UTP25: variants seen among roughly 807,000 people sequenced by gnomAD.
UTP25 encodes U3 small nucleolar RNA-associated protein 25 homolog.
In UTP25, 50 loss-of-function variants were observed where a neutral mutation model predicts 78.9. The observed-to-expected ratio is 0.63, with a 90% CI of 0.50 to 0.80. UTP25 has a LOEUF of 0.80. Ranked by LOEUF, UTP25 falls within the 30% of genes least tolerant of loss-of-function variation. The pLI, the probability that UTP25 is intolerant of heterozygous loss-of-function variation, is 0.00. For synonymous variants in UTP25, 329 were observed against 336.5 expected, an observed-to-expected ratio of 0.98 and a Z score of 0.24; for missense variants, 846 against 911.3, an observed-to-expected ratio of 0.93 and a Z score of 0.92.
In UTP25 at chr1:209,828,015, TG is replaced by T; in HGVS notation, c.-47del. ...TGCTTGTGTTGACTGGACAACTTCC[TG>T]GTGGAAAACCGCGACTCTTGCAAGT... is the stretch of plus-strand genomic sequence containing the variant. On this transcript the variant is annotated 5_prime_UTR_variant, in exon 1 of 12. Coordinates refer to ENST00000491415, the MANE Select transcript of UTP25 (RefSeq NM_014388.7). 1 of 1,476,870 alleles carries T rather than the reference TG, an allele frequency of 6.8e-7. No homozygotes were observed. The highest frequency in any genetic ancestry group is 9.5e-7 in the Non-Finnish European group (1 of 1,055,222). 91.5% of individuals were successfully genotyped at this position (1,476,870 alleles called of 1,614,324 possible). A position where few individuals can be genotyped will look rare whatever the true frequency, so the allele number is the denominator to read the frequency against.
chr1:209,850,559 G>C (rs2078224842), intron 11 of UTP25, among the ~76,000 whole-genome samples: 1 of 152,222 alleles, frequency 6.6e-6, no homozygotes, highest in South Asian at 2.1e-4. Flanking sequence ...GAACCATACT[G>C]CAAGTCAGTC....
intron 7 of UTP25, among the ~76,000 whole-genome samples, chr1:209,839,344 A>T (rs1263011757): frequency 6.6e-6 from 1 of 152,236 alleles, no homozygotes; most frequent in Non-Finnish European, 1.5e-5. Context: ...CTCTGAGGCC[A>T]TATATGAAAG....
chr1:209,835,042 A>G (rs1294715030), intron 4 of UTP25, 33 bp from the exon 5 acceptor site: 1 of 1,567,444 alleles, frequency 6.4e-7, no homozygotes, highest in African/African-American at 1.4e-5. Flanking sequence ...CTGTAGTTGC[A>G]TAGTGTGCTG....
Position 209,841,030 on chromosome 1 carries a change from T to G in UTP25, c.1460T>G (p.Leu487Arg). ...LLIIDQADIY[L>R]MQNWEHVLHL... Reference sequence around the variant, plus strand: ...ATCATTGATCAAGCTGACATTTACCTGATGCAGAACTGGGAGCATGTCCTG... The same window carrying G: ...ATCATTGATCAAGCTGACATTTACCGGATGCAGAACTGGGAGCATGTCCTG... Residue 487 changes from leucine to arginine, a missense_variant, in exon 8 of 12, where the codon CTG (leucine) becomes CGG (arginine). Leu to Arg is a moderately radical substitution (Grantham distance 102). Transcript: ENST00000491415. The G allele has an allele frequency of 6.2e-7, 1 of 1,614,056 alleles. No individual in the cohort carries two copies. The highest frequency in any genetic ancestry group is 8.5e-7 in the Non-Finnish European group (1 of 1,179,914).
Position 209,841,046 on chromosome 1 carries a change from G to A in UTP25, c.1476G>A (p.Glu492=). ...ACATTTACCTGATGCAGAACTGGGA[G>A]CATGTCCTGGTAATGCTGGCCATTC... ...QADIYLMQNW[E]HVLHLMNHMN... Residue 492 remains glutamate, a synonymous_variant, in exon 8 of 12, where the codon GAG becomes GAA. Coordinates refer to ENST00000491415, the MANE Select transcript of UTP25 (RefSeq NM_014388.7). 6.2e-7 allele frequency: 1 copy of A among 1,613,948 alleles called. No individual in the cohort carries two copies. Among genetic ancestry groups the A allele is most frequent in the South Asian group, 1.1e-5 (1 of 91,082 alleles).
Position 209,835,156 on chromosome 1 carries a change from A to G in UTP25, c.644A>G (p.Glu215Gly). The change falls in exon 5 of 12, where the codon GAG becomes GGG. Residue 215 changes from glutamate (E) to glycine (G), a missense_variant. By Grantham distance (98) the Glu-to-Gly change is moderately conservative. Transcript: ENST00000491415. ...AVATNPKTTH[E>G]LKWPILGQLF... ...GCCACAAATCCCAAAACTACCCACG[A>G]GCTTAAAGTAAGTGTTGCTTGGTCA... 2 of 1,613,504 alleles carry G rather than the reference A, an allele frequency of 1.2e-6. No homozygotes were observed. The highest frequency in any genetic ancestry group is 3.3e-4 in the Middle Eastern group (2 of 6,058).
chr1:209,850,916 A>G (rs1431577876), intron 11 of UTP25, among the ~76,000 whole-genome samples: 1 of 152,174 alleles, frequency 6.6e-6, no homozygotes, highest in Non-Finnish European at 1.5e-5. Flanking sequence ...CTGGTCTACT[A>G]TTCTTTCCCA....
At chr1:209,840,332 TG>T (rs1270187549) in intron 7 of UTP25, among the ~76,000 whole-genome samples, 1 of 152,184 alleles carries the variant, frequency 6.6e-6, no homozygotes, top group East Asian at 1.9e-4. Context: ...TATTTGGATC[TG>T]GAAGGACAGA....
At chr1:209,835,370 A>C (rs1450943196) in intron 5 of UTP25, among the ~76,000 whole-genome samples, 2 of 152,214 alleles carry the variant, frequency 1.3e-5, no homozygotes, top group Non-Finnish European at 2.9e-5. Context: ...TGTGGGTGCC[A>C]GATAATATAA....
chr1:209,838,703 C>T (rs941102322), intron 6 of UTP25: 5 of 611,954 alleles, frequency 8.2e-6, no homozygotes, highest in Admixed American at 2.8e-5. Flanking sequence ...GTCTGAAGTC[C>T]GCAGGTCATG....
rs1168949096 is a variant in UTP25, at chr1:209,854,334, A to C, written c.*2887A>C. 1 of 152,208 alleles carries C rather than the reference A, an allele frequency of 6.6e-6. No homozygotes were observed. Among genetic ancestry groups the C allele is most frequent in the African/African-American group, 2.4e-5 (1 of 41,462 alleles). The allele number at this position is 152,208 out of a possible 1,614,324, so 9.4% of individuals were successfully genotyped here. A position where few individuals can be genotyped will look rare whatever the true frequency, so the allele number is the denominator to read the frequency against. Reference sequence around the variant, plus strand: ...TAGCACTTTTCTTTTTGAGAGAGAAAAAGCTTTGAATCGTGGATGCTTCTC... The same window carrying C: ...TAGCACTTTTCTTTTTGAGAGAGAACAAGCTTTGAATCGTGGATGCTTCTC... On this transcript the variant is annotated 3_prime_UTR_variant, in exon 12 of 12. Coordinates refer to ENST00000491415, the MANE Select transcript of UTP25 (RefSeq NM_014388.7).
chr1:209,829,486 C>CTTT (rs200092993), intron 1 of UTP25, among the ~76,000 whole-genome samples: 4 of 141,424 alleles, frequency 2.8e-5, no homozygotes, highest in Non-Finnish European at 3.1e-5. Flanking sequence ...CTTTTCTTTT[C>CTTT]TTTTTTCTTT....
In UTP25 at chr1:209,851,800, T is replaced by A; in HGVS notation, c.*353T>A. 1 of 177,790 alleles carries A rather than the reference T, an allele frequency of 5.6e-6. No individual in the cohort carries two copies. The allele number at this position is 177,790 out of a possible 1,614,324, so 11.0% of individuals were successfully genotyped here. ...GTAAATTCTTCCAGATTTTTCTATT[T>A]GTTTGACACTTCCTTAAAGTAAGGA... On this transcript the variant is annotated 3_prime_UTR_variant, in exon 12 of 12. Coordinates refer to ENST00000491415, the MANE Select transcript of UTP25 (RefSeq NM_014388.7).
chr1:209,832,091 G>A (rs2078106769), intron 3 of UTP25, among the ~76,000 whole-genome samples: 1 of 150,974 alleles, frequency 6.6e-6, no homozygotes, highest in African/African-American at 2.4e-5. Context: ...TTAGGAGTTT[G>A]TTTTGTTTGT....
rs765552386 is a variant in UTP25 at position 209,839,110 on chromosome 1, G to C, written c.1264G>C (p.Asp422His). ...TGAAGCCGTATTTGTGGGCAATATTGATGACCACTTCAGGATTGGTAATTC... is the reference window on the plus strand; with the variant it reads ...TGAAGCCGTATTTGTGGGCAATATTCATGACCACTTCAGGATTGGTAATTC... ...DYEAVFVGNI[D>H]DHFRIGVAIL... Residue 422 changes from aspartate (D) to histidine (H), a missense_variant, in exon 7 of 12, where the codon GAT becomes CAT. Transcript: ENST00000491415. 6.2e-7 allele frequency: 1 copy of C among 1,612,154 alleles called. No homozygotes were observed. Among genetic ancestry groups the C allele is most frequent in the East Asian group, 2.2e-5 (1 of 44,840 alleles).
chr1:209,833,131 C>T, intron 3 of UTP25, 54 bp from the exon 4 acceptor site: 1 of 1,528,706 alleles, frequency 6.5e-7, no homozygotes, highest in Non-Finnish European at 8.8e-7. Flanking sequence ...ATTTTGTCAA[C>T]AGAAGTATAA....
intron 8 of UTP25, among the ~76,000 whole-genome samples, chr1:209,841,684 A>G (rs1326943489): frequency 6.6e-6 from 1 of 152,232 alleles, no homozygotes; most frequent in Non-Finnish European, 1.5e-5. Context: ...CCCCTTCTAC[A>G]ACCCCATGTC....
Position 209,839,144 on chromosome 1 carries a change from C to G in UTP25, c.1282+16C>G, listed in dbSNP as rs1230500364. On this transcript the variant is annotated intron_variant, in intron 7 of 11. Transcript: ENST00000491415. ...TTCAGGATTGGTAATTCTTCCTTAT[C>G]AACTTTGAGACCTAAAGTGTGAAGG... 1.9e-6 allele frequency: 3 copies of G among 1,590,212 alleles called. No individual in the cohort carries two copies. Among genetic ancestry groups the G allele is most frequent in the Non-Finnish European group, 2.6e-6 (3 of 1,164,420 alleles).
In UTP25 at chr1:209,851,599, G is replaced by T. The variant is rs528615095; in HGVS notation, c.*152G>T. The T allele has an allele frequency of 2.3e-5, 24 of 1,032,630 alleles. No individual in the cohort carries two copies. In the Admixed American group the frequency reaches 2.8e-4, roughly 12 times the overall value. 64.0% of individuals were successfully genotyped at this position (1,032,630 alleles called of 1,614,324 possible). A position where few individuals can be genotyped will look rare whatever the true frequency, so the allele number is the denominator to read the frequency against. On this transcript the variant is annotated 3_prime_UTR_variant, in exon 12 of 12. Coordinates refer to ENST00000491415, the MANE Select transcript of UTP25 (RefSeq NM_014388.7). Reference sequence around the variant, plus strand: ...TATTATCTGACATCTTTCTTTTCAGGTCATGTGTCCCTGAAAAGTTAAATG... The same window carrying T: ...TATTATCTGACATCTTTCTTTTCAGTTCATGTGTCCCTGAAAAGTTAAATG...
Sources: gnomAD v4.1 joint callset for allele counts (sites outside exome capture counted in the v4.1 genomes callset) on GRCh38, gnomAD v4.1.1 for gene constraint, MANE v1.5 for transcripts, NCBI Gene and HGNC (gene_info 2026-07-23, HGNC 2026-07-21) for gene names.